The following COPG2 variants were observed in gnomAD, a reference collection of about 807,000 sequenced individuals.
COPG2 encodes coat protein complex I subunit gamma 2.
A neutral mutation model predicts 46.3 loss-of-function variants in COPG2; 37 were observed. The ratio of observed to expected loss-of-function variants is 0.80; its 90% CI spans 0.61 to 1.05. The LOEUF is 1.05. COPG2 is among the 50% of genes least tolerant of loss of function. The pLI is 0.00. For missense variants in COPG2, 427 were observed against 387.8 expected (o/e 1.10, Z -0.85); for synonymous variants, 159 against 129.7 (o/e 1.23, Z -1.53).
At chr7:130,610,677 TTTAA>T (rs1794828337) in intron 9 of COPG2, 1 of 584,174 alleles carries the variant, frequency 1.7e-6, no homozygotes, top group Non-Finnish European at 3.2e-6. Context: ...AACTTTCATA[TTTAA>T]TTATCTATAT....
chr7:130,605,866 T>C, intron 9 of COPG2: 1 of 457,486 alleles, frequency 2.2e-6, no homozygotes, highest in South Asian at 1.6e-5. Flanking sequence ...GCCATTACAT[T>C]TAATGGTAAT....
intron 5 of COPG2, among the ~76,000 whole-genome samples, chr7:130,630,718 A>G (rs1020837638): frequency 2.0e-5 from 3 of 152,190 alleles, no homozygotes; most frequent in Admixed American, 6.5e-5. Flanking sequence ...TATCCCTAGT[A>G]ATATTATTTA....
chr7:130,542,706 G>A (rs1793356487), intron 20 of COPG2, among the ~76,000 whole-genome samples: 1 of 152,148 alleles, frequency 6.6e-6, no homozygotes, highest in Non-Finnish European at 1.5e-5. Flanking sequence ...AGAGAGTCTG[G>A]CAGCCATTCT....
chr7:130,654,077 T>C (rs536579870), intron 4 of COPG2, among the ~76,000 whole-genome samples: 8 of 151,866 alleles, frequency 5.3e-5, no homozygotes, highest in Non-Finnish European at 1.0e-4. Flanking sequence ...GAAATGAAAA[T>C]TACTTATCCA....
chr7:130,523,270 T>C (rs1163769992), intron 20 of COPG2, among the ~76,000 whole-genome samples: 13 of 151,502 alleles, frequency 8.6e-5, no homozygotes, highest in Admixed American at 2.6e-4. Context: ...GCTGGGGGCA[T>C]GGACCCCCAG....
chr7:130,612,227 C>T lies in COPG2; in HGVS notation c.504G>A (p.Lys168=), dbSNP rs781791703. Reference sequence around the variant, plus strand: ...AGCGCTTAACCACATCATAGCTTATCTTCATCATGTGCTAAATACAGAAAA... The same window carrying T: ...AGCGCTTAACCACATCATAGCTTATTTTCATCATGTGCTAAATACAGAAAA... ...SALVSSLHMM[K]ISYDVVKRWI... The change falls in exon 8 of 24, where the codon AAG becomes AAA. Residue 168 remains lysine, a synonymous_variant. Coordinates refer to ENST00000425248, the MANE Select transcript of COPG2 (RefSeq NM_012133.6). 2 of 1,585,624 alleles carry T rather than the reference C, an allele frequency of 1.3e-6. No individual in the cohort carries two copies. Among genetic ancestry groups the T allele is most frequent in the African/African-American group, 1.4e-5 (1 of 71,100 alleles).
At chr7:130,603,221 T>TAGTTGTGCCTATGTTA (rs1303059870) in intron 9 of COPG2, among the ~76,000 whole-genome samples, 5 of 152,222 alleles carry the variant, frequency 3.3e-5, no homozygotes, top group African/African-American at 4.8e-5. Context: ...TACCACAGGT[T>TAGTTGTGCCTATGTTA]AGTTGTGCCT....
chr7:130,571,116 C>G (rs1241426268), intron 9 of COPG2, among the ~76,000 whole-genome samples: 1 of 152,066 alleles, frequency 6.6e-6, no homozygotes, highest in Non-Finnish European at 1.5e-5. Flanking sequence ...TGGAAAAACC[C>G]TTCTACACAT....
At chr7:130,512,090 C>T (rs554835935) in intron 20 of COPG2, among the ~76,000 whole-genome samples, 20 of 149,292 alleles carry the variant, frequency 1.3e-4, no homozygotes, top group South Asian at 4.2e-4. Flanking sequence ...CAAAATTAGC[C>T]GGGCGTGGTG....
intron 9 of COPG2, among the ~76,000 whole-genome samples, chr7:130,584,764 G>T (rs1395647700): frequency 2.0e-5 from 3 of 151,832 alleles, no homozygotes; most frequent in Admixed American, 1.3e-4. Context: ...GAGGTGAAAG[G>T]CCTCTACAAG....
intron 12 of COPG2, among the ~76,000 whole-genome samples, chr7:130,558,146 A>C (rs1793661625): frequency 6.6e-6 from 1 of 151,904 alleles, no homozygotes; most frequent in Non-Finnish European, 1.5e-5. Flanking sequence ...ATTTTTTTTT[A>C]GATAAGGTAA....
At chr7:130,510,690 G>GTGTT (rs1799580567) in intron 20 of COPG2, among the ~76,000 whole-genome samples, 1 of 149,686 alleles carries the variant, frequency 6.7e-6, no homozygotes, top group African/African-American at 2.4e-5. Flanking sequence ...AATAGGAATG[G>GTGTT]TGTTAGTAGA....
intron 20 of COPG2, among the ~76,000 whole-genome samples, chr7:130,531,570 A>G (rs1339651820): frequency 6.6e-6 from 1 of 152,082 alleles, no homozygotes; most frequent in Non-Finnish European, 1.5e-5. Context: ...GGTGGGAGGC[A>G]CTGAAAGAAC....
At chr7:130,609,270 G>C (rs1176435702) in intron 9 of COPG2, among the ~76,000 whole-genome samples, 1 of 152,128 alleles carries the variant, frequency 6.6e-6, no homozygotes, top group African/African-American at 2.4e-5. Flanking sequence ...ATGTGTTATG[G>C]GAGGGACCAA....
At chr7:130,575,592 C>G (rs1184183986) in intron 9 of COPG2, among the ~76,000 whole-genome samples, 1 of 152,164 alleles carries the variant, frequency 6.6e-6, no homozygotes, top group East Asian at 1.9e-4. Flanking sequence ...CACATCAAAA[C>G]AGAACCTCTT....
At chr7:130,636,481 C>G (rs1293475164) in intron 5 of COPG2, among the ~76,000 whole-genome samples, 1 of 148,274 alleles carries the variant, frequency 6.7e-6, no homozygotes, top group Admixed American at 6.7e-5. Flanking sequence ...CTTTCTTTGT[C>G]TCTTTTGATC....
At chr7:130,509,675 C>A (rs1554440752) in intron 20 of COPG2, 2 of 519,044 alleles carry the variant, frequency 3.9e-6, no homozygotes, top group African/African-American at 1.9e-5. Context: ...ATGTGCCAGA[C>A]ACTTGGATAA....
At chr7:130,532,853 G>C (rs1799842333) in intron 20 of COPG2, among the ~76,000 whole-genome samples, 1 of 152,220 alleles carries the variant, frequency 6.6e-6, no homozygotes, top group East Asian at 1.9e-4. Flanking sequence ...GTGGGTGCGG[G>C]GCCTGGTCAA....
At chr7:130,561,666 T>C (rs1164935055) in intron 11 of COPG2, among the ~76,000 whole-genome samples, 1 of 152,220 alleles carries the variant, frequency 6.6e-6, no homozygotes, top group Non-Finnish European at 1.5e-5. Flanking sequence ...GGTTACTACA[T>C]GGTCTGCCAT....
Sources: allele counts gnomAD v4.1 joint callset (sites outside exome capture counted in the v4.1 genomes callset), GRCh38; gene constraint gnomAD v4.1.1; transcripts MANE v1.5; gene names NCBI Gene and HGNC (gene_info 2026-07-23, HGNC 2026-07-21).